Variants in SEC22A observed in about 807,000 individuals in gnomAD.
SEC22A encodes the protein SEC22 homolog A, vesicle trafficking protein, also known as vesicle-trafficking protein SEC22a.
SEC22A carries 22 observed loss-of-function variants against 35.3 expected under a neutral mutation model. That is an observed-to-expected ratio of 0.62 (90% CI 0.45 to 0.89). The LOEUF (loss-of-function observed/expected upper bound fraction) is 0.89. SEC22A is among the 40% of genes least tolerant of loss of function. The probability of loss-of-function intolerance (pLI) is 0.00; values close to 1 mark genes in which losing one functional copy is unlikely to be tolerated. For synonymous variants in SEC22A, 119 were observed against 129.5 expected, an observed-to-expected ratio of 0.92 and a Z score of 0.55; for missense variants, 354 against 362.5, an observed-to-expected ratio of 0.98 and a Z score of 0.19.
chr3:123,224,308 C>T (rs1218067781), intron 3 of SEC22A, among the ~76,000 whole-genome samples: 1 of 150,902 alleles, frequency 6.6e-6, no homozygotes, highest in Non-Finnish European at 1.5e-5. Context: ...AATAAAATTC[C>T]ACTTGGAAAA....
intron 5 of SEC22A, among the ~76,000 whole-genome samples, chr3:123,257,329 TAA>T (rs892863316): frequency 6.6e-6 from 1 of 152,186 alleles, no homozygotes; most frequent in Non-Finnish European, 1.5e-5. Context: ...GGAAATTAAA[TAA>T]GTGTCCCAGA....
At chr3:123,250,782 TCAGCC>T (rs1490264678) in intron 5 of SEC22A, among the ~76,000 whole-genome samples, 3 of 152,188 alleles carry the variant, frequency 2.0e-5, no homozygotes, top group Non-Finnish European at 4.4e-5. Flanking sequence ...GCCTGCCAGC[TCAGCC>T]CAAGTCTCCT....
chr3:123,224,986 G>A (rs546920844), intron 3 of SEC22A, 117 bp from the exon 4 acceptor site: 99 of 655,452 alleles, frequency 1.5e-4, no homozygotes, highest in Admixed American at 2.4e-4. Context: ...ATTTCATGAC[G>A]AATTGAACAA....
At chr3:123,235,114 C>T (rs1937395017) in intron 4 of SEC22A, among the ~76,000 whole-genome samples, 1 of 152,032 alleles carries the variant, frequency 6.6e-6, no homozygotes, top group African/African-American at 2.4e-5. Context: ...GCTGGTCTCG[C>T]ACTCGTCGGC....
At chr3:123,209,514 CAT>C (rs1036428597) in intron 2 of SEC22A, 115 bp downstream of exon 2, 1 of 788,954 alleles carries the variant, frequency 1.3e-6, no homozygotes, top group East Asian at 2.7e-5. Flanking sequence ...AGTCGAGCAT[CAT>C]ATTGTTCTGA....
chr3:123,237,647 G>A (rs1011112640), intron 4 of SEC22A, among the ~76,000 whole-genome samples: 9 of 152,016 alleles, frequency 5.9e-5, no homozygotes, highest in African/African-American at 2.2e-4. Context: ...AAATATATCC[G>A]TTCGTTAATA....
At chr3:123,245,014 G>A (rs999447980) in intron 4 of SEC22A, among the ~76,000 whole-genome samples, 29 of 152,266 alleles carry the variant, frequency 1.9e-4, no homozygotes, top group Middle Eastern at 3.4e-3. Flanking sequence ...TTCAGCTGGT[G>A]TTTTGTCATT....
chr3:123,227,098 T>G (rs563109381), intron 4 of SEC22A, among the ~76,000 whole-genome samples: 24 of 152,208 alleles, frequency 1.6e-4, no homozygotes, highest in African/African-American at 5.3e-4. Context: ...GAAGGAATAC[T>G]ATCGTCAACA....
chr3:123,202,656 G>A (rs1365533224), intron 1 of SEC22A, among the ~76,000 whole-genome samples: 3 of 152,176 alleles, frequency 2.0e-5, no homozygotes, highest in South Asian at 4.1e-4. Context: ...GAATCTCTCT[G>A]CCAGTGAAGA....
At chr3:123,267,750 T>C (rs1938058130) in intron 6 of SEC22A, among the ~76,000 whole-genome samples, 1 of 152,260 alleles carries the variant, frequency 6.6e-6, no homozygotes, top group South Asian at 2.1e-4. Context: ...TTATGGTAGA[T>C]CTGCTAGCAG....
At chr3:123,269,086 C>T (rs1049600892) in intron 6 of SEC22A, among the ~76,000 whole-genome samples, 1 of 151,840 alleles carries the variant, frequency 6.6e-6, no homozygotes, top group African/African-American at 2.4e-5. Context: ...ATCCCCATTG[C>T]AAAGATATCT....
intron 2 of SEC22A, among the ~76,000 whole-genome samples, chr3:123,219,033 G>T (rs2108040779): frequency 6.6e-6 from 1 of 152,274 alleles, no homozygotes; most frequent in Non-Finnish European, 1.5e-5. Flanking sequence ...TGTAGGAGTG[G>T]GATCAGTTTA....
At chr3:123,208,753 A>G (rs1936890564) in intron 1 of SEC22A, 2 of 158,408 alleles carry the variant, frequency 1.3e-5, no homozygotes, top group South Asian at 1.8e-4. Flanking sequence ...AACAAAAGCT[A>G]TATGTTAAGT....
intron 4 of SEC22A, among the ~76,000 whole-genome samples, chr3:123,243,289 A>G (rs910229832): frequency 2.6e-5 from 4 of 152,156 alleles, no homozygotes; most frequent in African/African-American, 7.2e-5. Context: ...CAGGATAATT[A>G]TAGTGCCTAC....
intron 6 of SEC22A, 86 bp from the exon 7 acceptor site, chr3:123,271,436 T>A (rs1938155742): frequency 9.2e-7 from 1 of 1,086,974 alleles, no homozygotes; most frequent in African/African-American, 1.6e-5. Context: ...TATATTTTAC[T>A]CTCTGACCTG....
At chr3:123,226,282 G>C (rs1392012237) in intron 4 of SEC22A, among the ~76,000 whole-genome samples, 1 of 152,132 alleles carries the variant, frequency 6.6e-6, no homozygotes, top group Non-Finnish European at 1.5e-5. Flanking sequence ...AACTACTACT[G>C]TTCTCCATAG....
intron 5 of SEC22A, among the ~76,000 whole-genome samples, chr3:123,249,290 T>C (rs1937591529): frequency 6.6e-6 from 1 of 152,054 alleles, no homozygotes; most frequent in African/African-American, 2.4e-5. Flanking sequence ...GGGTTCTTCA[T>C]GTAGGCATGA....
intron 2 of SEC22A, among the ~76,000 whole-genome samples, chr3:123,216,684 T>C (rs1009138106): frequency 2.0e-5 from 3 of 152,188 alleles, no homozygotes; most frequent in Non-Finnish European, 4.4e-5. Flanking sequence ...ACACTCAGTG[T>C]TACTGAGCCC....
chr3:123,238,952 G>A (rs1218881902), intron 4 of SEC22A, among the ~76,000 whole-genome samples: 1 of 152,122 alleles, frequency 6.6e-6, no homozygotes, highest in South Asian at 2.1e-4. Context: ...TAACTCTCAT[G>A]TACTCAACTA....
Sources: allele counts gnomAD v4.1 joint callset (sites outside exome capture counted in the v4.1 genomes callset), GRCh38; gene constraint gnomAD v4.1.1; transcripts MANE v1.5; gene names NCBI Gene and HGNC (gene_info 2026-07-23, HGNC 2026-07-21).